Variants in RIMBP2 observed in about 807,000 individuals in gnomAD.
The protein encoded by RIMBP2 is RIMS binding protein 2, also known as RIMS-binding protein 2.
RIMBP2 carries 48 observed loss-of-function variants against 118.6 expected under a neutral mutation model. That is an observed-to-expected ratio of 0.40 (90% CI 0.32 to 0.51). The LOEUF (loss-of-function observed/expected upper bound fraction) is 0.51. Among genes scored for constraint, RIMBP2 ranks in the 20% least tolerant of loss-of-function variants. The probability of loss-of-function intolerance (pLI) is 0.41; values close to 1 mark genes in which losing one functional copy is unlikely to be tolerated. For missense variants in RIMBP2, 1,551 were observed against 1,768.3 expected (o/e 0.88, Z 2.20); for synonymous variants, 762 against 742.9 (o/e 1.03, Z -0.42).
intron 2 of RIMBP2, among the ~76,000 whole-genome samples, chr12:130,611,572 G>T (rs1195806948): frequency 6.6e-6 from 1 of 152,216 alleles, no homozygotes; most frequent in African/African-American, 2.4e-5. Flanking sequence ...GTCTCCTGCG[G>T]AGAGGATTTA....
chr12:130,673,567 T>C (rs10773808), intron 1 of RIMBP2, among the ~76,000 whole-genome samples: 149,368 of 152,246 alleles, frequency 0.98, 73,336 homozygotes, highest in Non-Finnish European at 1. Context: ...GCGTGCCACT[T>C]GTGGGTCAAG....
At chr12:130,612,294 G>A (rs1001364941) in intron 2 of RIMBP2, among the ~76,000 whole-genome samples, 21 of 152,330 alleles carry the variant, frequency 1.4e-4, no homozygotes, top group African/African-American at 5.1e-4. Context: ...GGCCCCGGGT[G>A]TTTCAGTTGG....
chr12:130,437,381 C>T (rs1387826607), intron 12 of RIMBP2, 90 bp from the exon 13 acceptor site: 5 of 1,102,390 alleles, frequency 4.5e-6, no homozygotes, highest in Non-Finnish European at 6.5e-6. Context: ...GCCCAGAGGC[C>T]AGGTGCAAAG....
At chr12:130,482,478 G>A (rs955308379) in intron 4 of RIMBP2, among the ~76,000 whole-genome samples, 7 of 152,200 alleles carry the variant, frequency 4.6e-5, no homozygotes, top group Non-Finnish European at 1.0e-4. Context: ...AATGACATCT[G>A]TGGTCCTGGA....
intron 6 of RIMBP2, among the ~76,000 whole-genome samples, chr12:130,466,759 C>T (rs767671787): frequency 2.6e-5 from 4 of 152,200 alleles, no homozygotes; most frequent in Admixed American, 2.6e-4. Flanking sequence ...GTAAATTGAT[C>T]GTTTATCTTC....
At chr12:130,588,285 G>A (rs975899484) in intron 2 of RIMBP2, among the ~76,000 whole-genome samples, 1 of 152,038 alleles carries the variant, frequency 6.6e-6, no homozygotes, top group African/African-American at 2.4e-5. Flanking sequence ...ATCCATTCTT[G>A]GTGCCATATC....
chr12:130,636,606 G>A (rs1297995266), intron 1 of RIMBP2, among the ~76,000 whole-genome samples: 4 of 152,132 alleles, frequency 2.6e-5, no homozygotes, highest in East Asian at 3.9e-4. Flanking sequence ...CCAGATACTC[G>A]CACACTATTG....
At chr12:130,631,282 C>T (rs977581831) in intron 1 of RIMBP2, among the ~76,000 whole-genome samples, 48 of 152,198 alleles carry the variant, frequency 3.2e-4, no homozygotes, top group African/African-American at 9.7e-4. Flanking sequence ...CTAATTGGTG[C>T]TACCATTAGC....
intron 19 of RIMBP2, among the ~76,000 whole-genome samples, chr12:130,411,773 C>T (rs186092427): frequency 1.8e-4 from 27 of 152,202 alleles, no homozygotes; most frequent in Middle Eastern, 6.8e-3. Flanking sequence ...CACTAAACTT[C>T]GACTATTAGA....
At chr12:130,664,447 G>GTGCACGCACACA (rs1566439284) in intron 1 of RIMBP2, among the ~76,000 whole-genome samples, 72 of 122,494 alleles carry the variant, frequency 5.9e-4, no homozygotes, top group African/African-American at 2.0e-3. Flanking sequence ...ACGCACACAC[G>GTGCACGCACACA]CACACACATG....
chr12:130,689,881 C>T (rs562041917), intron 1 of RIMBP2, among the ~76,000 whole-genome samples: 2 of 152,300 alleles, frequency 1.3e-5, no homozygotes, highest in East Asian at 1.9e-4. Context: ...CAGCCAGGCG[C>T]TCTGCTCACA....
chr12:130,710,904 G>A lies in RIMBP2; in HGVS notation c.-352+5318C>T, dbSNP rs1350540948. Among the ~76,000 whole-genome samples, 1 of 152,238 alleles carries A rather than the reference G, an allele frequency of 6.6e-6. No homozygotes were observed. The highest frequency in any genetic ancestry group is 1.5e-5 in the Non-Finnish European group (1 of 68,040). On this transcript the variant is annotated intron_variant, in intron 1 of 22. Coordinates refer to ENST00000690449, the MANE Select transcript of RIMBP2 (RefSeq NM_001393629.1). The surrounding 1 kb of genome is among the most constrained non-coding windows in gnomAD (Gnocchi z 4.3). ...CGCACGTCACACGTGGGGTCCCATG[G>A]AGCCCTGACAGCCACCTCCCTTTCT... is the stretch of plus-strand genomic sequence containing the variant.
chr12:130,481,682 C>T (rs1353739719), intron 4 of RIMBP2, among the ~76,000 whole-genome samples: 1 of 152,238 alleles, frequency 6.6e-6, no homozygotes, highest in African/African-American at 2.4e-5. Flanking sequence ...GTGGCCCTCG[C>T]CAGTTCACTC....
rs1305504375 is a variant in RIMBP2 at position 130,646,440 on chromosome 12, T to TCACCACC, written c.-351-17985_-351-17984insGGTGGTG. On this transcript the variant is annotated intron_variant, in intron 1 of 22. Transcript: ENST00000690449. ...CTCACCACTTCCCTCTCCACCTCCC[T>TCACCACC]TGCCACCTCCCTCGCCACCTCCCTC... 1.3e-3 allele frequency among the ~76,000 whole-genome samples: 139 copies of TCACCACC among 111,178 alleles called. 48 individuals carry two copies. Among genetic ancestry groups the TCACCACC allele is most frequent in the Admixed American group, 2.2e-3 (20 of 9,274 alleles). The allele number at this position is 111,178 out of a possible 152,430, so 72.9% of individuals were successfully genotyped here. A position where few individuals can be genotyped will look rare whatever the true frequency, so the allele number is the denominator to read the frequency against.
chr12:130,490,521 C>T (rs2048540400), intron 4 of RIMBP2, among the ~76,000 whole-genome samples: 1 of 152,054 alleles, frequency 6.6e-6, no homozygotes. Context: ...GAATCAGCAG[C>T]AGAAGTATAA....
chr12:130,682,092 G>C (rs533027315), intron 1 of RIMBP2, among the ~76,000 whole-genome samples: 2 of 152,190 alleles, frequency 1.3e-5, no homozygotes, highest in East Asian at 3.9e-4. Flanking sequence ...ATTGCTGCTG[G>C]GTGGTGGCTC....
At chr12:130,694,880 C>T (rs557807448) in intron 1 of RIMBP2, among the ~76,000 whole-genome samples, 9 of 152,310 alleles carry the variant, frequency 5.9e-5, no homozygotes, top group African/African-American at 2.2e-4. Context: ...GGGCCTAGCA[C>T]GTAGTACGTG....
At chr12:130,691,933 T>C (rs1300076751) in intron 1 of RIMBP2, among the ~76,000 whole-genome samples, 2 of 152,102 alleles carry the variant, frequency 1.3e-5, no homozygotes, top group African/African-American at 4.8e-5. Context: ...GGGACGGGTT[T>C]CTAGAACGAG....
At chr12:130,499,391 A>C (rs2049515509) in intron 4 of RIMBP2, among the ~76,000 whole-genome samples, 1 of 152,210 alleles carries the variant, frequency 6.6e-6, no homozygotes, top group African/African-American at 2.4e-5. Context: ...ACAGAGTTGC[A>C]GATATAATTC....
Sources: gnomAD v4.1 joint callset for allele counts (sites outside exome capture counted in the v4.1 genomes callset) on GRCh38, gnomAD v4.1.1 for gene constraint, Gnocchi (gnomAD v3.1) non-coding constraint, MANE v1.5 for transcripts, NCBI Gene and HGNC (gene_info 2026-07-23, HGNC 2026-07-21) for gene names.